Variants in COMMD10 observed in about 807,000 individuals in gnomAD.
COMMD10 encodes COMM domain containing 10, also known as COMM domain-containing protein 10.
In COMMD10, 33 loss-of-function variants were observed where a neutral mutation model predicts 28.9. The ratio of observed to expected loss-of-function variants is 1.14; its 90% CI spans 0.87 to 1.53. COMMD10 has a LOEUF of 1.53. Ranked by LOEUF, COMMD10 falls within the 40% of genes most tolerant of loss-of-function variation. The probability of loss-of-function intolerance (pLI) is 0.00; values close to 1 mark genes in which losing one functional copy is unlikely to be tolerated. For synonymous variants in COMMD10, 110 were observed against 81.7 expected, an observed-to-expected ratio of 1.35 and a Z score of -1.87; for missense variants, 310 against 233.4, an observed-to-expected ratio of 1.33 and a Z score of -2.14.
In COMMD10 at chr5:116,142,468, G is replaced by A. The variant is rs554123579; in HGVS notation, c.510+8290G>A. 2.6e-5 allele frequency among the ~76,000 whole-genome samples: 4 copies of A among 151,856 alleles called. No individual in the cohort carries two copies. The South Asian group carries it at 8.3e-4, about 32-fold the overall frequency. On this transcript the variant is annotated intron_variant, in intron 5 of 6. Transcript: ENST00000274458. The stretch of plus-strand genomic sequence containing the variant: ...TATTCCTCAAGAGGATGATTACTAG[G>A]TGAAAGGGTATAAACCAAAATAAAA...
chr5:116,251,755 C>T (rs1000397594), intron 5 of COMMD10, among the ~76,000 whole-genome samples: 31 of 151,888 alleles, frequency 2.0e-4, no homozygotes, highest in Non-Finnish European at 2.9e-4. Context: ...AATAAACATA[C>T]GTGTGCATGT....
intron 5 of COMMD10, among the ~76,000 whole-genome samples, chr5:116,261,140 T>C (rs530961753): frequency 1.3e-5 from 2 of 151,896 alleles, no homozygotes; most frequent in South Asian, 4.1e-4. Flanking sequence ...TAAAAACATA[T>C]TTCAGGAAGA....
At chr5:116,226,923 T>C (rs1749407273) in intron 5 of COMMD10, among the ~76,000 whole-genome samples, 1 of 152,090 alleles carries the variant, frequency 6.6e-6, no homozygotes, top group African/African-American at 2.4e-5. Context: ...TTAAACACTC[T>C]TTTTCAGACG....
At chr5:116,177,438 C>T (rs1753552353) in intron 5 of COMMD10, among the ~76,000 whole-genome samples, 2 of 151,982 alleles carry the variant, frequency 1.3e-5, no homozygotes, top group Non-Finnish European at 2.9e-5. Flanking sequence ...TATCTTCCTG[C>T]CTTCAGAATC....
chr5:116,240,898 TAAAG>T (rs1356944123), intron 5 of COMMD10, among the ~76,000 whole-genome samples: 1 of 152,154 alleles, frequency 6.6e-6, no homozygotes, highest in African/African-American at 2.4e-5. Context: ...AAAATGTAAA[TAAAG>T]AAAAATTATT....
intron 5 of COMMD10, among the ~76,000 whole-genome samples, chr5:116,246,030 A>G (rs1749943840): frequency 6.6e-6 from 1 of 152,186 alleles, no homozygotes; most frequent in Non-Finnish European, 1.5e-5. Flanking sequence ...AAATAGGAAG[A>G]GAGGAAGTCA....
chr5:116,284,272 A>T (rs746717676), intron 5 of COMMD10, among the ~76,000 whole-genome samples: 1 of 151,930 alleles, frequency 6.6e-6, no homozygotes, highest in Non-Finnish European at 1.5e-5. Flanking sequence ...ATTAACTTTT[A>T]TGCTAAAGAC....
chr5:116,166,751 G>C (rs750297019), intron 5 of COMMD10, among the ~76,000 whole-genome samples: 18 of 152,190 alleles, frequency 1.2e-4, no homozygotes, highest in Non-Finnish European at 2.1e-4. Context: ...CAGCAGAGGG[G>C]CCTGACTGTT....
At chr5:116,119,097 A>G (rs1366165277) in intron 4 of COMMD10, among the ~76,000 whole-genome samples, 2 of 152,170 alleles carry the variant, frequency 1.3e-5, no homozygotes, top group African/African-American at 2.4e-5. Flanking sequence ...TATTCTTGGT[A>G]TGCAGAGGTG....
At chr5:116,223,773 G>C (rs888399432) in intron 5 of COMMD10, among the ~76,000 whole-genome samples, 3 of 152,190 alleles carry the variant, frequency 2.0e-5, no homozygotes, top group Non-Finnish European at 4.4e-5. Context: ...CGTAGGAGTG[G>C]AGGCAGTGAG....
At chr5:116,113,776 G>A (rs745774894) in intron 4 of COMMD10, among the ~76,000 whole-genome samples, 1 of 151,982 alleles carries the variant, frequency 6.6e-6, no homozygotes, top group Non-Finnish European at 1.5e-5. Flanking sequence ...ATTCTTTGGG[G>A]TTGTAAGGTT....
At chr5:116,086,433 T>C (rs1428666437) in intron 1 of COMMD10, among the ~76,000 whole-genome samples, 2 of 151,470 alleles carry the variant, frequency 1.3e-5, no homozygotes, top group African/African-American at 4.9e-5. Context: ...TCCAGCACTT[T>C]GGGAGGCTGA....
At chr5:116,173,831 T>C (rs991762069) in intron 5 of COMMD10, among the ~76,000 whole-genome samples, 7 of 142,458 alleles carry the variant, frequency 4.9e-5, no homozygotes, top group Non-Finnish European at 8.9e-5. Context: ...GGTTTTTGTT[T>C]TGTTTTGTTT....
intron 3 of COMMD10, 134 bp downstream of exon 3, chr5:116,091,323 G>T: frequency 4.3e-6 from 2 of 466,358 alleles, no homozygotes; most frequent in East Asian, 3.4e-5. Flanking sequence ...TTTTAGTTAA[G>T]AATTTCAGTG....
intron 5 of COMMD10, among the ~76,000 whole-genome samples, chr5:116,208,337 C>T (rs1748871130): frequency 6.6e-6 from 1 of 152,028 alleles, no homozygotes; most frequent in Non-Finnish European, 1.5e-5. Flanking sequence ...CCTCCCCCCA[C>T]CAAAAAGGCT....
intron 4 of COMMD10, among the ~76,000 whole-genome samples, chr5:116,094,847 A>G (rs2112714846): frequency 6.6e-6 from 1 of 152,324 alleles, no homozygotes; most frequent in South Asian, 2.1e-4. Context: ...ACCATAAAAG[A>G]GAGTGAAATG....
chr5:116,151,137 T>C (rs1366364132), intron 5 of COMMD10, among the ~76,000 whole-genome samples: 1 of 152,080 alleles, frequency 6.6e-6, no homozygotes, highest in Non-Finnish European at 1.5e-5. Flanking sequence ...TTGTTTTTGC[T>C]TCTGTTTATA....
intron 5 of COMMD10, among the ~76,000 whole-genome samples, chr5:116,146,258 CGTT>C (rs1374988764): frequency 6.6e-6 from 1 of 151,802 alleles, no homozygotes; most frequent in African/African-American, 2.4e-5. Context: ...AGTGGCTACT[CGTT>C]GATCTCTTGC....
chr5:116,269,113 G>T (rs1449250891), intron 5 of COMMD10, among the ~76,000 whole-genome samples: 1 of 151,402 alleles, frequency 6.6e-6, no homozygotes, highest in Admixed American at 6.6e-5. Context: ...AATTTAAAAA[G>T]ATAAAAATGC....
Sources: gnomAD v4.1 joint callset for allele counts (sites outside exome capture counted in the v4.1 genomes callset) on GRCh38, gnomAD v4.1.1 for gene constraint, MANE v1.5 for transcripts, NCBI Gene and HGNC (gene_info 2026-07-23, HGNC 2026-07-21) for gene names.